Variants in PTPRG observed in about 807,000 individuals in gnomAD.
PTPRG encodes receptor-type tyrosine-protein phosphatase gamma.
A neutral mutation model predicts 165.3 loss-of-function variants in PTPRG; 102 were observed. The observed-to-expected ratio is 0.62, with a 90% CI of 0.53 to 0.73. The LOEUF (loss-of-function observed/expected upper bound fraction) is 0.73. PTPRG is among the 30% of genes least tolerant of loss of function. PTPRG has a pLI of 0.00. For missense variants in PTPRG, 1,866 were observed against 1,861.4 expected (o/e 1.00, Z -0.05); for synonymous variants, 675 against 669.5 (o/e 1.01, Z -0.13).
At chr3:61,932,900 G>A (rs1255216898) in intron 2 of PTPRG, among the ~76,000 whole-genome samples, 2 of 152,174 alleles carry the variant, frequency 1.3e-5, no homozygotes, top group African/African-American at 2.4e-5. Context: ...GAGCCTTGAG[G>A]AAGACTAATC....
intron 26 of PTPRG, among the ~76,000 whole-genome samples, chr3:62,279,971 AT>A (rs1434735134): frequency 7.9e-5 from 12 of 152,056 alleles, no homozygotes; most frequent in Admixed American, 2.0e-4. Flanking sequence ...CATCATAATC[AT>A]ATTTCTCACA....
intron 8 of PTPRG, among the ~76,000 whole-genome samples, chr3:62,186,739 T>G (rs2106791849): frequency 6.6e-6 from 1 of 152,012 alleles, no homozygotes; most frequent in East Asian, 1.9e-4. Flanking sequence ...CTAATTTTTG[T>G]GTTTTTTTCT....
intron 5 of PTPRG, among the ~76,000 whole-genome samples, chr3:62,085,787 A>G (rs1701733423): frequency 1.3e-5 from 2 of 152,224 alleles, no homozygotes; most frequent in Admixed American, 6.5e-5. Context: ...TTCATTTGCT[A>G]ACTCATTTGT....
intron 2 of PTPRG, among the ~76,000 whole-genome samples, chr3:61,981,990 T>C (rs1312349935): frequency 6.6e-6 from 1 of 152,210 alleles, no homozygotes; most frequent in Non-Finnish European, 1.5e-5. Flanking sequence ...ATCTTACTTG[T>C]TAGCCTTGAA....
intron 8 of PTPRG, among the ~76,000 whole-genome samples, chr3:62,179,750 C>T (rs889669307): frequency 7.9e-5 from 12 of 152,184 alleles, no homozygotes; most frequent in African/African-American, 2.9e-4. Context: ...TTCTTGGGTC[C>T]CTTTGACCAA....
intron 5 of PTPRG, among the ~76,000 whole-genome samples, chr3:62,080,044 T>C (rs1354449031): frequency 6.6e-6 from 1 of 151,122 alleles, no homozygotes; most frequent in Non-Finnish European, 1.5e-5. Context: ...TTGAGTTCTG[T>C]CTGGACCCCT....
At chr3:62,003,949 G>A (rs1476534641) in intron 4 of PTPRG, among the ~76,000 whole-genome samples, 1 of 152,138 alleles carries the variant, frequency 6.6e-6, no homozygotes. Context: ...TGTTGAAAAA[G>A]AGGCTGTGGT....
chr3:62,269,300 A>G, intron 20 of PTPRG, 131 bp downstream of exon 20: 1 of 975,944 alleles, frequency 1.0e-6, no homozygotes, highest in Non-Finnish European at 1.4e-6. Flanking sequence ...TTTTTTCATA[A>G]CTCTTTTGAT....
chr3:61,930,535 T>TTCATCTGCCA (rs2039332085), intron 2 of PTPRG, among the ~76,000 whole-genome samples: 2 of 152,190 alleles, frequency 1.3e-5, no homozygotes, highest in Non-Finnish European at 2.9e-5. Flanking sequence ...TGTGAACAAC[T>TTCATCTGCCA]GTTTTCTTCA....
chr3:62,088,990 T>C (rs903531526), intron 5 of PTPRG, among the ~76,000 whole-genome samples: 1 of 152,250 alleles, frequency 6.6e-6, no homozygotes, highest in African/African-American at 2.4e-5. Context: ...CAGATGCTAC[T>C]CACCTGTGCC....
Position 62,295,734 on chromosome 3 carries a change from C to A in PTPRG, c.*2427C>A, listed in dbSNP as rs1460199230. 1 of 152,084 alleles carries A rather than the reference C, an allele frequency of 6.6e-6. No individual in the cohort carries two copies. The highest frequency in any genetic ancestry group is 1.5e-5 in the Non-Finnish European group (1 of 67,996). The allele number at this position is 152,084 out of a possible 1,614,324, so 9.4% of individuals were successfully genotyped here. A position where few individuals can be genotyped will look rare whatever the true frequency, so the allele number is the denominator to read the frequency against. ...CTGAATTATAAGCAATTGCTACTTGCCCATCTTGCCAAAGTAGTCCAAACA... is the reference window on the plus strand; with the variant it reads ...CTGAATTATAAGCAATTGCTACTTGACCATCTTGCCAAAGTAGTCCAAACA... On this transcript the variant is annotated 3_prime_UTR_variant, in exon 30 of 30. Transcript: ENST00000474889.
Position 62,203,488 on chromosome 3 carries a change from G to C in PTPRG, c.1693G>C (p.Asp565His), listed in dbSNP as rs754318982. 4.8e-5 allele frequency: 75 copies of C among 1,569,654 alleles called. No individual in the cohort carries two copies. In the Middle Eastern group the frequency reaches 2.8e-3, roughly 59 times the overall value. The change falls in exon 12 of 30, where the codon GAT becomes CAT. Residue 565 changes from aspartate to histidine, a missense_variant. Asp to His is a moderately conservative substitution (Grantham distance 81). This residue lies in a region of PTPRG where 1,452 missense variants were observed against 1,463.0 expected (regional missense o/e 0.99). Transcript: ENST00000474889. The surrounding 1 kb of genome is among the most constrained non-coding windows in gnomAD (Gnocchi z 6.4). ...TTEALASPGP[D>H]GDSSPTKDGE... ...AGAGGCCTTGGCTTCTCCAGGGCCCGATGGTGATTCGTCACCAACCAAGGA... is the reference window on the plus strand; with the variant it reads ...AGAGGCCTTGGCTTCTCCAGGGCCCCATGGTGATTCGTCACCAACCAAGGA...
At chr3:62,011,459 C>T (rs542742284) in intron 4 of PTPRG, among the ~76,000 whole-genome samples, 10 of 152,210 alleles carry the variant, frequency 6.6e-5, no homozygotes, top group East Asian at 5.8e-4. Flanking sequence ...CTTCATGGAG[C>T]GTGGACGTGT....
At chr3:61,823,123 T>A (rs904377630) in intron 2 of PTPRG, among the ~76,000 whole-genome samples, 1 of 152,178 alleles carries the variant, frequency 6.6e-6, no homozygotes, top group African/African-American at 2.4e-5. Flanking sequence ...TAGTTTGCAT[T>A]TGCAAGTTCG....
At chr3:61,749,467 A>G in intron 2 of PTPRG, 1 of 249,768 alleles carries the variant, frequency 4.0e-6, no homozygotes, top group South Asian at 4.2e-5. Flanking sequence ...TGTCTACTCG[A>G]TGGTAATCTG....
chr3:62,072,487 C>G (rs1050605911), intron 4 of PTPRG, among the ~76,000 whole-genome samples: 1 of 152,126 alleles, frequency 6.6e-6, no homozygotes, highest in Non-Finnish European at 1.5e-5. Flanking sequence ...GCTAATGACT[C>G]TCACTTACGA....
intron 2 of PTPRG, among the ~76,000 whole-genome samples, chr3:61,799,593 A>G (rs193079356): frequency 6.6e-6 from 1 of 152,192 alleles, no homozygotes; most frequent in East Asian, 1.9e-4. Flanking sequence ...TCATAATTAC[A>G]TGGGGCTTAT....
chr3:61,874,639 A>G (rs2037674970), intron 2 of PTPRG, among the ~76,000 whole-genome samples: 1 of 152,070 alleles, frequency 6.6e-6, no homozygotes, highest in South Asian at 2.1e-4. Context: ...ATATTTGGCA[A>G]TGTTTGAAGG....
At chr3:62,145,153 A>G (rs1161010782) in intron 6 of PTPRG, among the ~76,000 whole-genome samples, 6 of 152,230 alleles carry the variant, frequency 3.9e-5, no homozygotes, top group Admixed American at 3.3e-4. Context: ...ACTATTGCGT[A>G]GTGGGTTTGA....
Sources: gnomAD v4.1 joint callset for allele counts (sites outside exome capture counted in the v4.1 genomes callset) on GRCh38, gnomAD v4.1.1 for gene constraint, gnomAD v4.1.1 regional missense constraint, Gnocchi (gnomAD v3.1) non-coding constraint, MANE v1.5 for transcripts, NCBI Gene and HGNC (gene_info 2026-07-23, HGNC 2026-07-21) for gene names.